Variants in PAX5 observed in about 807,000 individuals in gnomAD.
PAX5 encodes paired box 5.
PAX5 carries 9 observed loss-of-function variants against 43.7 expected under a neutral mutation model. That is an observed-to-expected ratio of 0.21 (90% CI 0.12 to 0.36). PAX5 has a LOEUF of 0.36. Among genes scored for constraint, PAX5 ranks in the 10% least tolerant of loss-of-function variants. The probability of loss-of-function intolerance (pLI) is 1.00; values close to 1 mark genes in which losing one functional copy is unlikely to be tolerated. For synonymous variants in PAX5, 228 were observed against 214.3 expected, an observed-to-expected ratio of 1.06 and a Z score of -0.56; for missense variants, 383 against 532.7, an observed-to-expected ratio of 0.72 and a Z score of 2.77.
chr9:36,862,974 C>T (rs1482231554), intron 8 of PAX5, among the ~76,000 whole-genome samples: 3 of 152,210 alleles, frequency 2.0e-5, no homozygotes, highest in Non-Finnish European at 4.4e-5. Context: ...ACCAGAGTCA[C>T]CGGCTGACTG....
chr9:36,856,803 C>CA (rs1563897203), intron 8 of PAX5, among the ~76,000 whole-genome samples: 1 of 151,806 alleles, frequency 6.6e-6, no homozygotes, highest in African/African-American at 2.4e-5. Flanking sequence ...AAGGGAGAAG[C>CA]AAAAAAAGAG....
chr9:37,026,781 G>A (rs1840427646), intron 1 of PAX5: 6 of 948,636 alleles, frequency 6.3e-6, no homozygotes, highest in Non-Finnish European at 7.5e-6. Context: ...TGGTGCTAGC[G>A]CACCCGGGCT....
At chr9:36,957,301 G>T (rs551231159) in intron 6 of PAX5, among the ~76,000 whole-genome samples, 1 of 152,176 alleles carries the variant, frequency 6.6e-6, no homozygotes, top group Non-Finnish European at 1.5e-5. Flanking sequence ...GGGAAATAAC[G>T]TGCCAGAAGC....
At chr9:36,850,020 C>G (rs1822998099) in intron 8 of PAX5, among the ~76,000 whole-genome samples, 1 of 152,194 alleles carries the variant, frequency 6.6e-6, no homozygotes, top group African/African-American at 2.4e-5. Flanking sequence ...GGAACACTTT[C>G]TGGGAGTGGA....
At chr9:36,941,509 A>G (rs150213236) in intron 6 of PAX5, among the ~76,000 whole-genome samples, 70 of 152,284 alleles carry the variant, frequency 4.6e-4, no homozygotes, top group Non-Finnish European at 8.4e-4. Context: ...GCTCCAGCTC[A>G]TGCCCTGGAG....
At chr9:36,925,136 T>C (rs1435820879) in intron 6 of PAX5, among the ~76,000 whole-genome samples, 1 of 152,052 alleles carries the variant, frequency 6.6e-6, no homozygotes, top group Non-Finnish European at 1.5e-5. Context: ...CCTGGTGTCT[T>C]TCCCTTCAAA....
chr9:36,997,031 G>C (rs1588176812), intron 5 of PAX5, among the ~76,000 whole-genome samples: 1 of 152,294 alleles, frequency 6.6e-6, no homozygotes. Flanking sequence ...AGAATGAGAT[G>C]CACCCCCAAA....
chr9:36,965,950 A>G (rs1834389034), intron 6 of PAX5, among the ~76,000 whole-genome samples: 1 of 152,232 alleles, frequency 6.6e-6, no homozygotes, highest in South Asian at 2.1e-4. Context: ...TGCCCAGGGT[A>G]TAGCAGACAG....
At chr9:36,972,411 T>C (rs1834990018) in intron 5 of PAX5, among the ~76,000 whole-genome samples, 1 of 152,224 alleles carries the variant, frequency 6.6e-6, no homozygotes, top group Admixed American at 6.5e-5. Flanking sequence ...AGTAGTAAGC[T>C]AAGGTAGCTG....
In PAX5 at chr9:36,946,578, G is replaced by A. The variant is rs535930260; in HGVS notation, c.780+19971C>T. 9.8e-5 allele frequency among the ~76,000 whole-genome samples: 15 copies of A among 152,334 alleles called. No homozygotes were observed. The South Asian group carries it at 2.9e-3, about 29-fold the overall frequency. ...TGTAGCTAAGCTTCTCCAAAGCAAT[G>A]AGAGGTTTGTCTCTCAAGGCCATGT... On this transcript the variant is annotated intron_variant, in intron 6 of 9. Coordinates refer to ENST00000358127, the MANE Select transcript of PAX5 (RefSeq NM_016734.3).
intron 5 of PAX5, among the ~76,000 whole-genome samples, chr9:36,989,888 T>C (rs1836780638): frequency 6.6e-6 from 1 of 152,188 alleles, no homozygotes; most frequent in Non-Finnish European, 1.5e-5. Flanking sequence ...AAGGTGACAT[T>C]GGTGACTGCT....
intron 8 of PAX5, among the ~76,000 whole-genome samples, chr9:36,869,626 A>C (rs1219393571): frequency 6.6e-6 from 1 of 152,232 alleles, no homozygotes; most frequent in African/African-American, 2.4e-5. Context: ...CTGTGTTCCC[A>C]GAGTCCCTGG....
At chr9:37,016,521 C>G (rs1202032289) in intron 2 of PAX5, among the ~76,000 whole-genome samples, 4 of 152,014 alleles carry the variant, frequency 2.6e-5, no homozygotes, top group African/African-American at 9.7e-5. Flanking sequence ...ACAGTAAAAC[C>G]AAGACCAAGA....
intron 7 of PAX5, among the ~76,000 whole-genome samples, chr9:36,916,836 A>G (rs532343261): frequency 6.6e-6 from 1 of 152,060 alleles, no homozygotes; most frequent in South Asian, 2.1e-4. Context: ...AGGTGTGCAC[A>G]ACCATGCCTG....
chr9:37,027,105 T>G (rs1840464919), intron 1 of PAX5, among the ~76,000 whole-genome samples: 1 of 152,224 alleles, frequency 6.6e-6, no homozygotes, highest in African/African-American at 2.4e-5. Flanking sequence ...CTTTCTCTGC[T>G]TCTCCGAGTC....
At chr9:36,857,319 T>C (rs1563897766) in intron 8 of PAX5, among the ~76,000 whole-genome samples, 1 of 152,232 alleles carries the variant, frequency 6.6e-6, no homozygotes, top group Non-Finnish European at 1.5e-5. Context: ...TAGACTCCTA[T>C]ACTGGTGATG....
intron 6 of PAX5, among the ~76,000 whole-genome samples, chr9:36,943,529 T>TTCTCACACAC (rs35815065): frequency 1.9e-4 from 27 of 145,912 alleles, no homozygotes; most frequent in Admixed American, 9.0e-4. Context: ...TAGTTCAACA[T>TTCTCACACAC]ACACACACAC....
At chr9:36,955,411 C>T (rs1999143) in intron 6 of PAX5, among the ~76,000 whole-genome samples, 110,100 of 151,946 alleles carry the variant, frequency 0.72, 40,307 homozygotes, top group South Asian at 0.84. Context: ...ATATTATTTC[C>T]ATCCTTGAAT....
At chr9:36,986,766 G>A (rs1176084222) in intron 5 of PAX5, among the ~76,000 whole-genome samples, 6 of 152,178 alleles carry the variant, frequency 3.9e-5, no homozygotes, top group African/African-American at 9.6e-5. Flanking sequence ...CCTCTCTGCC[G>A]AGCTGTATTC....
Sources: gnomAD v4.1 joint callset for allele counts (sites outside exome capture counted in the v4.1 genomes callset) on GRCh38, gnomAD v4.1.1 for gene constraint, MANE v1.5 for transcripts, NCBI Gene and HGNC (gene_info 2026-07-23, HGNC 2026-07-21) for gene names.